Variants in ROBO1 observed in about 807,000 individuals in gnomAD.
The protein encoded by ROBO1 is roundabout guidance receptor 1, also known as roundabout homolog 1.
In ROBO1, 149 loss-of-function variants were observed where a neutral mutation model predicts 195.9. The observed-to-expected ratio is 0.76, with a 90% CI of 0.67 to 0.87. ROBO1 has a LOEUF of 0.87. Ranked by LOEUF, ROBO1 falls within the 40% of genes least tolerant of loss-of-function variation. The pLI, the probability that ROBO1 is intolerant of heterozygous loss-of-function variation, is 0.00. For missense variants in ROBO1, 1,933 were observed against 2,068.3 expected, an observed-to-expected ratio of 0.93 and a Z score of 1.27; for synonymous variants, 816 against 733.2, an observed-to-expected ratio of 1.11 and a Z score of -1.82.
intron 25 of ROBO1, among the ~76,000 whole-genome samples, chr3:78,630,768 C>G (rs1203925445): frequency 3.3e-5 from 5 of 152,148 alleles, no homozygotes; most frequent in Non-Finnish European, 7.3e-5. Context: ...GAACAAATAG[C>G]CTTCAGGATC....
chr3:79,619,422 T>C (rs562656870), intron 1 of ROBO1, among the ~76,000 whole-genome samples: 2 of 152,290 alleles, frequency 1.3e-5, no homozygotes, highest in South Asian at 4.2e-4. Context: ...TGTCTCATTT[T>C]CTTCTGCAAC....
At chr3:79,343,259 G>T (rs930324369) in intron 2 of ROBO1, among the ~76,000 whole-genome samples, 2 of 152,064 alleles carry the variant, frequency 1.3e-5, no homozygotes, top group East Asian at 3.9e-4. Context: ...CTTACTGAAT[G>T]ATATCTAGCT....
At chr3:79,031,670 G>A (rs1006203430) in intron 3 of ROBO1, among the ~76,000 whole-genome samples, 2 of 152,134 alleles carry the variant, frequency 1.3e-5, no homozygotes, top group African/African-American at 2.4e-5. Context: ...ATTGAAACAA[G>A]TAATACACAT....
intron 2 of ROBO1, among the ~76,000 whole-genome samples, chr3:79,459,699 G>C (rs111356967): frequency 3.7e-3 from 569 of 151,900 alleles, no homozygotes; most frequent in Non-Finnish European, 6.2e-3. Context: ...AATAAAACCA[G>C]AATAAAATGA....
At chr3:78,893,247 T>C (rs1362792905) in intron 4 of ROBO1, among the ~76,000 whole-genome samples, 1 of 152,188 alleles carries the variant, frequency 6.6e-6, no homozygotes, top group African/African-American at 2.4e-5. Context: ...TATGGGGTGA[T>C]TAGGCCATGA....
At chr3:79,502,372 G>A (rs1480915981) in intron 2 of ROBO1, among the ~76,000 whole-genome samples, 1 of 152,136 alleles carries the variant, frequency 6.6e-6, no homozygotes, top group Non-Finnish European at 1.5e-5. Context: ...CCCGCCGCCC[G>A]GGCAGTGAGG....
At chr3:79,519,046 G>A (rs1941079282) in intron 2 of ROBO1, among the ~76,000 whole-genome samples, 1 of 152,074 alleles carries the variant, frequency 6.6e-6, no homozygotes, top group Non-Finnish European at 1.5e-5. Context: ...ATGGTGGCCA[G>A]TTATTAATAG....
At chr3:79,273,310 A>C (rs1294111766) in intron 2 of ROBO1, among the ~76,000 whole-genome samples, 2 of 152,154 alleles carry the variant, frequency 1.3e-5, no homozygotes, top group African/African-American at 4.8e-5. Context: ...CAACTTTTCC[A>C]GACATAATGT....
chr3:78,943,067 T>A (rs937297682), intron 3 of ROBO1, among the ~76,000 whole-genome samples: 3 of 151,610 alleles, frequency 2.0e-5, no homozygotes, highest in African/African-American at 7.3e-5. Context: ...ACAAAAAAAA[T>A]TAGCCAGGCG....
intron 14 of ROBO1, among the ~76,000 whole-genome samples, chr3:78,666,351 T>C (rs1397167301): frequency 6.6e-6 from 1 of 152,184 alleles, no homozygotes; most frequent in Admixed American, 6.5e-5. Flanking sequence ...TAAATGAATG[T>C]TCAGACAGAA....
At chr3:79,000,437 A>G (rs1469513589) in intron 3 of ROBO1, among the ~76,000 whole-genome samples, 1 of 152,146 alleles carries the variant, frequency 6.6e-6, no homozygotes, top group Non-Finnish European at 1.5e-5. Flanking sequence ...CCATTTATCA[A>G]ACAACCCCAT....
chr3:78,993,866 T>C (rs1182116348), intron 3 of ROBO1, among the ~76,000 whole-genome samples: 1 of 152,128 alleles, frequency 6.6e-6, no homozygotes, highest in Non-Finnish European at 1.5e-5. Flanking sequence ...AAAATGGTTT[T>C]TTTTCCCACA....
intron 5 of ROBO1, among the ~76,000 whole-genome samples, chr3:78,722,058 G>C (rs1223478277): frequency 6.6e-6 from 1 of 152,018 alleles, no homozygotes; most frequent in Non-Finnish European, 1.5e-5. Flanking sequence ...TAAGGAATTT[G>C]TAGTATACAC....
At chr3:78,619,432 A>G (rs1704318645) in intron 26 of ROBO1, among the ~76,000 whole-genome samples, 1 of 151,776 alleles carries the variant, frequency 6.6e-6, no homozygotes, top group African/African-American at 2.4e-5. Flanking sequence ...GGCCTTCATC[A>G]GTGGGATAAG....
At chr3:79,414,563 GATAA>G (rs879799537) in intron 2 of ROBO1, among the ~76,000 whole-genome samples, 27 of 151,964 alleles carry the variant, frequency 1.8e-4, no homozygotes, top group Admixed American at 2.6e-4. Context: ...AGATGTTATA[GATAA>G]ATAAAGAAAC....
chr3:79,173,755 G>A (rs942946932), intron 2 of ROBO1, among the ~76,000 whole-genome samples: 1 of 152,184 alleles, frequency 6.6e-6, no homozygotes, highest in Non-Finnish European at 1.5e-5. Flanking sequence ...GCCCCAGTGC[G>A]GGATCCACTG....
intron 10 of ROBO1, among the ~76,000 whole-genome samples, chr3:78,677,411 G>A (rs959985776): frequency 6.6e-6 from 1 of 152,122 alleles, no homozygotes. Context: ...CCATCAGTGT[G>A]CTGTATTCAG....
chr3:78,912,307 T>A (rs2038292709), intron 4 of ROBO1, among the ~76,000 whole-genome samples: 1 of 152,052 alleles, frequency 6.6e-6, no homozygotes. Flanking sequence ...ATTATACTAA[T>A]AAGCAACATA....
At chr3:79,071,340 T>C (rs1433803763) in intron 3 of ROBO1, among the ~76,000 whole-genome samples, 1 of 151,882 alleles carries the variant, frequency 6.6e-6, no homozygotes, top group Non-Finnish European at 1.5e-5. Context: ...TTTATCACTT[T>C]GGTTTTCTTC....
Sources: gnomAD v4.1 joint callset for allele counts (sites outside exome capture counted in the v4.1 genomes callset) on GRCh38, gnomAD v4.1.1 for gene constraint, MANE v1.5 for transcripts, NCBI Gene and HGNC (gene_info 2026-07-23, HGNC 2026-07-21) for gene names.